CDH13: variants seen among roughly 807,000 people sequenced by gnomAD.
CDH13 encodes cadherin 13, also known as cadherin-13.
In CDH13, 24 loss-of-function variants were observed where a neutral mutation model predicts 63.8. That is an observed-to-expected ratio of 0.38 (90% CI 0.27 to 0.53). CDH13 has a LOEUF of 0.53. Ranked by LOEUF, CDH13 falls within the 20% of genes least tolerant of loss-of-function variation. The pLI, the probability that CDH13 is intolerant of heterozygous loss-of-function variation, is 0.85. For missense variants in CDH13, 1,049 were observed against 903.1 expected (o/e 1.16, Z -2.07); for synonymous variants, 503 against 355.3 (o/e 1.42, Z -4.67).
chr16:83,023,064 A>T (rs1027309503), intron 2 of CDH13: 34 of 152,218 alleles, frequency 2.2e-4, no homozygotes, highest in Non-Finnish European at 7.3e-5. Flanking sequence ...ACCACCTTCA[A>T]AAGAAAGAAA....
At chr16:83,783,990 A>G (rs922813852) in intron 13 of CDH13, among the ~76,000 whole-genome samples, 3 of 152,224 alleles carry the variant, frequency 2.0e-5, no homozygotes, top group Non-Finnish European at 2.9e-5. Context: ...ATCATGAAAC[A>G]TTGTTTTTAA....
chr16:83,008,379 A>G (rs899741319), intron 2 of CDH13, among the ~76,000 whole-genome samples: 14 of 152,142 alleles, frequency 9.2e-5, no homozygotes, highest in Admixed American at 9.2e-4. Context: ...ATGTGGGGGA[A>G]TTGCACTGTA....
intron 6 of CDH13, among the ~76,000 whole-genome samples, chr16:83,460,077 T>G (rs1323648329): frequency 1.3e-5 from 2 of 151,928 alleles, no homozygotes; most frequent in African/African-American, 2.4e-5. Context: ...CAAAAAAAAG[T>G]AAAAAATAAC....
At chr16:83,033,949 G>C (rs10153232) in intron 3 of CDH13, among the ~76,000 whole-genome samples, 21,064 of 151,942 alleles carry the variant, frequency 0.14, 1,774 homozygotes, top group East Asian at 0.27. Context: ...TGCCATATTA[G>C]CCACATCCCT....
chr16:82,660,414 C>CT (rs1202366906), intron 1 of CDH13, among the ~76,000 whole-genome samples: 1 of 151,136 alleles, frequency 6.6e-6, no homozygotes, highest in Non-Finnish European at 1.5e-5. Flanking sequence ...AAACCACCCA[C>CT]TATGGGCGTT....
In CDH13 at chr16:83,344,857, A is replaced by T. The variant is rs764024071; in HGVS notation, c.637-5A>T. ...CTTTCTCCCCCAATCTCTTTGCTCAAATAGCTATTTGTGGAGACCACTGAT... is the reference window on the plus strand; with the variant it reads ...CTTTCTCCCCCAATCTCTTTGCTCATATAGCTATTTGTGGAGACCACTGAT... On this transcript the variant is annotated splice_polypyrimidine_tract_variant and splice_region_variant and intron_variant, in intron 5 of 13. Coordinates refer to ENST00000567109, the MANE Select transcript of CDH13 (RefSeq NM_001257.5). The T allele has an allele frequency of 6.8e-6, 11 of 1,613,514 alleles. No homozygotes were observed. Among genetic ancestry groups the T allele is most frequent in the Non-Finnish European group, 9.3e-6 (11 of 1,179,544 alleles).
chr16:83,709,287 G>T (rs425044), intron 10 of CDH13, among the ~76,000 whole-genome samples: 1 of 152,032 alleles, frequency 6.6e-6, no homozygotes, highest in African/African-American at 2.4e-5. Flanking sequence ...ATAAATCTGA[G>T]TTGTTTTAAT....
chr16:83,394,064 G>A (rs2091838713), intron 6 of CDH13, among the ~76,000 whole-genome samples: 1 of 152,148 alleles, frequency 6.6e-6, no homozygotes, highest in African/African-American at 2.4e-5. Context: ...GACACAGAAG[G>A]CAACAATGAA....
chr16:83,084,107 T>A (rs1053757257), intron 3 of CDH13, among the ~76,000 whole-genome samples: 6 of 152,138 alleles, frequency 3.9e-5, no homozygotes, highest in Non-Finnish European at 8.8e-5. Flanking sequence ...TTTTCAGAAG[T>A]CAATTTGGAT....
intron 6 of CDH13, among the ~76,000 whole-genome samples, chr16:83,447,751 A>G (rs918135652): frequency 4.0e-5 from 6 of 148,892 alleles, no homozygotes; most frequent in Non-Finnish European, 8.9e-5. Flanking sequence ...TATATTTTAT[A>G]TTATATATAT....
chr16:82,891,569 A>G (rs1477259260), intron 2 of CDH13, among the ~76,000 whole-genome samples: 1 of 152,236 alleles, frequency 6.6e-6, no homozygotes, highest in African/African-American at 2.4e-5. Context: ...TCATGCACTT[A>G]TCGGACATAT....
chr16:83,242,765 C>T (rs1025233384), intron 5 of CDH13, among the ~76,000 whole-genome samples: 3 of 152,300 alleles, frequency 2.0e-5, no homozygotes, highest in African/African-American at 7.2e-5. Flanking sequence ...TCTGAGGCTG[C>T]TTCCAGATGC....
chr16:83,383,843 T>C lies in CDH13; in HGVS notation c.781+38837T>C, dbSNP rs560497607. On this transcript the variant is annotated intron_variant, in intron 6 of 13. Transcript: ENST00000567109. Reference sequence around the variant, plus strand: ...AACCTTGGTTTCTTTTCATGGAGGGTGGTCTTTAGAAATCAGTGTCTGGGT... The same window carrying C: ...AACCTTGGTTTCTTTTCATGGAGGGCGGTCTTTAGAAATCAGTGTCTGGGT... 3.3e-4 allele frequency among the ~76,000 whole-genome samples: 50 copies of C among 152,166 alleles called. No individual in the cohort carries two copies. The South Asian group carries it at 0.01, about 31-fold the overall frequency.
intron 8 of CDH13, among the ~76,000 whole-genome samples, chr16:83,614,589 C>A (rs1231899852): frequency 6.6e-6 from 1 of 152,180 alleles, no homozygotes; most frequent in East Asian, 1.9e-4. Context: ...CAAGTATTGG[C>A]TGCCTTACCA....
intron 6 of CDH13, among the ~76,000 whole-genome samples, chr16:83,456,649 A>G (rs995653501): frequency 2.6e-5 from 4 of 152,164 alleles, no homozygotes; most frequent in African/African-American, 9.7e-5. Flanking sequence ...GAAGCAGTGA[A>G]TGATGTGTTG....
intron 1 of CDH13, among the ~76,000 whole-genome samples, chr16:82,633,268 C>T (rs561675579): frequency 6.6e-6 from 1 of 152,216 alleles, no homozygotes; most frequent in East Asian, 1.9e-4. Flanking sequence ...ATAGACATAA[C>T]CAGAACGTCA....
At chr16:83,745,881 G>A (rs570420499) in intron 10 of CDH13, among the ~76,000 whole-genome samples, 69 of 152,144 alleles carry the variant, frequency 4.5e-4, no homozygotes, top group African/African-American at 1.6e-3. Flanking sequence ...TATCTTCTTC[G>A]AAGTAAGATC....
At chr16:83,529,265 A>G (rs2075030376) in intron 7 of CDH13, among the ~76,000 whole-genome samples, 1 of 152,126 alleles carries the variant, frequency 6.6e-6, no homozygotes, top group Admixed American at 6.5e-5. Context: ...GCAGTGTACA[A>G]GCTAATTGGA....
chr16:82,748,153 T>A (rs1233998275), intron 1 of CDH13, among the ~76,000 whole-genome samples: 1 of 152,128 alleles, frequency 6.6e-6, no homozygotes, highest in Non-Finnish European at 1.5e-5. Context: ...CATTTCAGCA[T>A]CATAGCTGGG....
Sources: gnomAD v4.1 joint callset for allele counts (sites outside exome capture counted in the v4.1 genomes callset) on GRCh38, gnomAD v4.1.1 for gene constraint, MANE v1.5 for transcripts, NCBI Gene and HGNC (gene_info 2026-07-23, HGNC 2026-07-21) for gene names.